The following PCDHA4 variants were observed in gnomAD, a reference collection of about 807,000 sequenced individuals.
PCDHA4 encodes protocadherin alpha-4.
PCDHA4 carries 49 observed loss-of-function variants against 61.4 expected under a neutral mutation model. The ratio of observed to expected loss-of-function variants is 0.80; its 90% confidence interval spans 0.63 to 1.01. The LOEUF is 1.01. Ranked by LOEUF, PCDHA4 falls within the 50% of genes least tolerant of loss-of-function variation. The pLI is 0.00. For synonymous variants in PCDHA4, 590 were observed against 550.3 expected, an observed-to-expected ratio of 1.07 and a Z score of -1.01; for missense variants, 1,254 against 1,235.8, an observed-to-expected ratio of 1.01 and a Z score of -0.22.
chr5:140,881,595 TTAATA>T (rs2058765091), intron 1 of PCDHA4, among the ~76,000 whole-genome samples: 1 of 152,250 alleles, frequency 6.6e-6, no homozygotes, highest in Non-Finnish European at 1.5e-5. Flanking sequence ...GGGAAATTTA[TTAATA>T]TGATGTGCTT....
intron 1 of PCDHA4, among the ~76,000 whole-genome samples, chr5:140,872,003 A>C (rs1314439086): frequency 2.0e-5 from 3 of 152,202 alleles, no homozygotes; most frequent in Non-Finnish European, 2.9e-5. Context: ...GGCTATTTAC[A>C]GGTGACCTGT....
chr5:140,983,588 C>G (rs530448589), intron 3 of PCDHA4, among the ~76,000 whole-genome samples: 1 of 152,152 alleles, frequency 6.6e-6, no homozygotes, highest in African/African-American at 2.4e-5. Context: ...TACATCTATT[C>G]TACATATGAG....
rs2150171293 is a variant in PCDHA4, at chr5:140,829,615, T to G, written c.2385+20043T>G. On this transcript the variant is annotated intron_variant, in intron 1 of 3. Transcript: ENST00000530339. ...GCGAGCGCGCGTTGTCGAGCTACAT[T>G]TCGGTGCACGCGGAGAGCGGCAAGG... is the stretch of plus-strand genomic sequence containing the variant. The G allele has an allele frequency of 5.0e-6, 8 of 1,612,084 alleles. No individual in the cohort carries two copies. In the African/African-American group the frequency reaches 9.3e-5, roughly 19 times the overall value.
intron 1 of PCDHA4, chr5:140,861,826 A>T (rs1350185354): frequency 1.9e-5 from 3 of 159,376 alleles, no homozygotes; most frequent in African/African-American, 7.2e-5. Flanking sequence ...CAGATAGGTA[A>T]GTCACTTCAG....
At chr5:140,875,779 A>G (rs1174243985) in intron 1 of PCDHA4, 1 of 1,614,194 alleles carries the variant, frequency 6.2e-7, no homozygotes, top group Non-Finnish European at 8.5e-7. Context: ...CGCGGAGTGC[A>G]GTATCCACCT....
intron 3 of PCDHA4, among the ~76,000 whole-genome samples, chr5:141,006,464 C>T (rs1243356826): frequency 5.9e-5 from 9 of 152,100 alleles, no homozygotes; most frequent in African/African-American, 1.7e-4. Context: ...CTGCCTGTCT[C>T]GGCCTCCCAA....
chr5:140,849,643 G>A, intron 1 of PCDHA4: 1 of 1,598,612 alleles, frequency 6.3e-7, no homozygotes, highest in Non-Finnish European at 8.6e-7. Flanking sequence ...GATGCCAACG[G>A]GCAGGTTACC....
Position 141,012,299 on chromosome 5 carries a change from A to G in PCDHA4, c.*2362A>G, listed in dbSNP as rs1554263904. 1 of 153,754 alleles carries G rather than the reference A, an allele frequency of 6.5e-6. No homozygotes were observed. Among genetic ancestry groups the G allele is most frequent in the African/African-American group, 2.4e-5 (1 of 41,456 alleles). The allele number at this position is 153,754 out of a possible 1,614,324, so 9.5% of individuals were successfully genotyped here. A position where few individuals can be genotyped will look rare whatever the true frequency, so the allele number is the denominator to read the frequency against. ...TGTGGATTCATTTTGAATTGGTGCT[A>G]TTGGTATTTCCTCTGTTATTGCTAA... On this transcript the variant is annotated 3_prime_UTR_variant, in exon 4 of 4. Transcript: ENST00000530339.
chr5:140,822,597 G>A (rs1554128735), intron 1 of PCDHA4: 2 of 1,609,136 alleles, frequency 1.2e-6, no homozygotes, highest in Non-Finnish European at 1.7e-6. Flanking sequence ...GCATCAATAA[G>A]GAAATAGTGT....
chr5:140,932,187 T>C (rs2153611225), intron 1 of PCDHA4, among the ~76,000 whole-genome samples: 1 of 152,028 alleles, frequency 6.6e-6, no homozygotes, highest in Admixed American at 6.5e-5. Context: ...CTCATGTCCA[T>C]TTTTTTCTGT....
At chr5:140,828,517 T>C (rs2150156285) in intron 1 of PCDHA4, 3 of 1,614,174 alleles carry the variant, frequency 1.9e-6, no homozygotes, top group Non-Finnish European at 2.5e-6. Flanking sequence ...GAGTGCTGAT[T>C]TACGAATCTA....
At chr5:140,822,263 C>G (rs1470346995) in intron 1 of PCDHA4, 3 of 1,614,110 alleles carry the variant, frequency 1.9e-6, no homozygotes, top group Non-Finnish European at 2.5e-6. Flanking sequence ...GATATTGGAG[C>G]AAATGCACAA....
rs2150122693 is a variant in PCDHA4, at chr5:140,823,137, C to T, written c.2385+13565C>T. Reference sequence around the variant, plus strand: ...ACGTGAACGACAACGCTCCGGCGTTCGCGCAGCCCCAGTATACCGTGTTCG... The same window carrying T: ...ACGTGAACGACAACGCTCCGGCGTTTGCGCAGCCCCAGTATACCGTGTTCG... On this transcript the variant is annotated intron_variant, in intron 1 of 3. Coordinates refer to ENST00000530339, the MANE Select transcript of PCDHA4 (RefSeq NM_018907.4). 50 of 1,613,704 alleles carry T rather than the reference C, an allele frequency of 3.1e-5. 1 individual carries two copies. The South Asian group carries it at 4.9e-4, about 16-fold the overall frequency.
chr5:140,982,265 G>A lies in PCDHA4; in HGVS notation c.2445-210G>A, dbSNP rs2096974278. ...ATAAAGATAGAACATGTGTGTTCCT[G>A]GAATAGTATAGCAGGCAATAAGTAA... On this transcript the variant is annotated intron_variant, in intron 2 of 3. Transcript: ENST00000530339. 7 of 870,768 alleles carry A rather than the reference G, an allele frequency of 8.0e-6. No individual in the cohort carries two copies. In the Admixed American group the frequency reaches 1.6e-4, roughly 20 times the overall value. 53.9% of individuals were successfully genotyped at this position (870,768 alleles called of 1,614,324 possible).
In PCDHA4 at chr5:140,906,570, T is replaced by C. The variant is rs371493282; in HGVS notation, c.2386-72379T>C. ...TGCAACTGGTTGTGTGGTTCATAGCTGGTATTGATGACTACCTTCCTCTAC... is the reference window on the plus strand; with the variant it reads ...TGCAACTGGTTGTGTGGTTCATAGCCGGTATTGATGACTACCTTCCTCTAC... On this transcript the variant is annotated intron_variant, in intron 1 of 3. Coordinates refer to ENST00000530339, the MANE Select transcript of PCDHA4 (RefSeq NM_018907.4). 1.7e-4 allele frequency among the ~76,000 whole-genome samples: 26 copies of C among 152,230 alleles called. No homozygotes were observed. In the East Asian group the frequency reaches 2.1e-3, roughly 12 times the overall value.
Position 140,927,102 on chromosome 5 carries a change from A to G in PCDHA4, c.2386-51847A>G, listed in dbSNP as rs144696843. 1.4e-5 allele frequency: 23 copies of G among 1,613,520 alleles called. No individual in the cohort carries two copies. In the African/African-American group the frequency reaches 1.7e-4, roughly 12 times the overall value. ...GCGAGCTCTACTTCGGGGTGGATCTACCCAGCGGCAATTTGGTGGTCAGAG... is the reference window on the plus strand; with the variant it reads ...GCGAGCTCTACTTCGGGGTGGATCTGCCCAGCGGCAATTTGGTGGTCAGAG... On this transcript the variant is annotated intron_variant, in intron 1 of 3. Transcript: ENST00000530339.
chr5:140,823,603 C>T (rs2150127370), intron 1 of PCDHA4: 1 of 1,614,048 alleles, frequency 6.2e-7, no homozygotes, highest in South Asian at 1.1e-5. Context: ...TTCGTATGAG[C>T]TGCAGCCAGC....
intron 1 of PCDHA4, chr5:140,852,478 A>G: frequency 5.0e-6 from 1 of 199,118 alleles, no homozygotes. Flanking sequence ...GGGTTTCATC[A>G]TGTTGGCCAG....
chr5:140,837,271 C>T (rs1199620898), intron 1 of PCDHA4: 1 of 152,090 alleles, frequency 6.6e-6, no homozygotes, highest in African/African-American at 2.4e-5. Context: ...TTGTGTAGCA[C>T]TGACTTCTTT....
Sources: gnomAD v4.1 joint callset for allele counts (sites outside exome capture counted in the v4.1 genomes callset) on GRCh38, gnomAD v4.1.1 for gene constraint, MANE v1.5 for transcripts, NCBI Gene and HGNC (gene_info 2026-07-23, HGNC 2026-07-21) for gene names.